Variants in RBBP4 observed in about 807,000 individuals in gnomAD.
The protein encoded by RBBP4 is RB binding protein 4, chromatin remodeling factor.
A neutral mutation model predicts 57.2 loss-of-function variants in RBBP4; 3 were observed. That is an observed-to-expected ratio of 0.05 (90% CI 0.02 to 0.14). The LOEUF (loss-of-function observed/expected upper bound fraction) is 0.14. RBBP4 is among the 10% of genes least tolerant of loss of function. The pLI, the probability that RBBP4 is intolerant of heterozygous loss-of-function variation, is 1.00. For missense variants in RBBP4, 107 were observed against 520.6 expected, an observed-to-expected ratio of 0.21 and a Z score of 7.73; for synonymous variants, 151 against 171.5, an observed-to-expected ratio of 0.88 and a Z score of 0.93.
rs1647566410 is a variant in RBBP4, at chr1:32,651,254, C to A, written c.-53C>A. ...CACAGAGCGAGCTCTTGCAGCCTCCCCGCCCCTCCCGCAACGCTCGACCCC... is the reference window on the plus strand; with the variant it reads ...CACAGAGCGAGCTCTTGCAGCCTCCACGCCCCTCCCGCAACGCTCGACCCC... On this transcript the variant is annotated 5_prime_UTR_variant, in exon 1 of 12. Coordinates refer to ENST00000373493, the MANE Select transcript of RBBP4 (RefSeq NM_005610.3). 6.6e-7 allele frequency: 1 copy of A among 1,506,394 alleles called. No individual in the cohort carries two copies. Among genetic ancestry groups the A allele is most frequent in the Non-Finnish European group, 8.9e-7 (1 of 1,127,700 alleles). 93.3% of individuals were successfully genotyped at this position (1,506,394 alleles called of 1,614,324 possible).
intron 1 of RBBP4, chr1:32,651,682 C>T: frequency 1.3e-6 from 1 of 755,374 alleles, no homozygotes; most frequent in Non-Finnish European, 2.1e-6. Context: ...CGAGCGTGCT[C>T]CGAAGGCCTG....
intron 3 of RBBP4, 146 bp from the exon 4 acceptor site, chr1:32,668,079 T>C: frequency 1.4e-6 from 1 of 702,132 alleles, no homozygotes; most frequent in Non-Finnish European, 2.3e-6. Flanking sequence ...GAAAGCACTT[T>C]ATAGTGCTAG....
chr1:32,671,083 T>G (rs1231714476), intron 8 of RBBP4, among the ~76,000 whole-genome samples: 11 of 152,200 alleles, frequency 7.2e-5, no homozygotes, highest in Admixed American at 7.2e-4. Flanking sequence ...GGTAGCAAAC[T>G]CTGATTGTTG....
chr1:32,672,323 G>A (rs550094777), intron 8 of RBBP4, 127 bp from the exon 9 acceptor site: 27 of 728,224 alleles, frequency 3.7e-5, no homozygotes, highest in African/African-American at 2.9e-4. Flanking sequence ...TAACTGTAAC[G>A]TGTATAATAC....
In RBBP4 at chr1:32,668,086, C is replaced by G. The variant is rs950979274; in HGVS notation, c.311-139C>G. ...GGGGGTAGGAAAGCACTTTATAGTG[C>G]TAGCAAATGTATAGATTACATCTAG... On this transcript the variant is annotated intron_variant, in intron 3 of 11. Transcript: ENST00000373493. The G allele has an allele frequency of 2.4e-5, 18 of 740,686 alleles. 1 individual carries two copies. In the African/African-American group the frequency reaches 2.9e-4, roughly 12 times the overall value. 45.9% of individuals were successfully genotyped at this position (740,686 alleles called of 1,614,324 possible).
At chr1:32,653,637 GTT>G (rs1053666893) in intron 2 of RBBP4, among the ~76,000 whole-genome samples, 6 of 20,782 alleles carry the variant, frequency 2.9e-4, no homozygotes, top group South Asian at 5.0e-3. Context: ...TTGTTTTCTG[GTT>G]TTTTTTTTTT....
At chr1:32,659,038 A>T (rs970130261) in intron 3 of RBBP4, among the ~76,000 whole-genome samples, 11 of 147,272 alleles carry the variant, frequency 7.5e-5, no homozygotes, top group African/African-American at 2.5e-4. Flanking sequence ...ATATAAATGT[A>T]TTATATTTAT....
At chr1:32,664,562 C>G (rs1648565409) in intron 3 of RBBP4, among the ~76,000 whole-genome samples, 1 of 152,154 alleles carries the variant, frequency 6.6e-6, no homozygotes, top group East Asian at 1.9e-4. Flanking sequence ...AAGCAATTCT[C>G]TTGCCTCAGT....
chr1:32,663,793 G>A (rs1034138674), intron 3 of RBBP4, among the ~76,000 whole-genome samples: 1 of 151,696 alleles, frequency 6.6e-6, no homozygotes, highest in South Asian at 2.1e-4. Context: ...AGCCAGGATG[G>A]TCTCAATCTC....
At chr1:32,663,767 G>A (rs898436407) in intron 3 of RBBP4, among the ~76,000 whole-genome samples, 33 of 151,142 alleles carry the variant, frequency 2.2e-4, no homozygotes, top group Non-Finnish European at 4.4e-5. Flanking sequence ...TAGTAGTGAC[G>A]GGGTTTCACG....
At position 32,681,529 on chromosome 1, in the gene RBBP4, T is replaced by G; in HGVS notation, c.*1824T>G. 1 of 410,128 alleles carries G rather than the reference T, an allele frequency of 2.4e-6. No individual in the cohort carries two copies. The highest frequency in any genetic ancestry group is 4.4e-6 in the Non-Finnish European group (1 of 229,642). 25.4% of individuals were successfully genotyped at this position (410,128 alleles called of 1,614,324 possible). ...TTTAAAATACTCCCAGATGTGTCCA[T>G]ACATTCATCCTTCACTCAGTGCATA... On this transcript the variant is annotated 3_prime_UTR_variant, in exon 12 of 12. Coordinates refer to ENST00000373493, the MANE Select transcript of RBBP4 (RefSeq NM_005610.3).
intron 3 of RBBP4, among the ~76,000 whole-genome samples, chr1:32,664,511 C>A (rs1648563062): frequency 6.6e-6 from 1 of 151,852 alleles, no homozygotes; most frequent in Admixed American, 6.6e-5. Flanking sequence ...GGAGTGTAGT[C>A]GTGCAATCTT....
chr1:32,661,513 C>T (rs1000627128), intron 3 of RBBP4, among the ~76,000 whole-genome samples: 10 of 151,878 alleles, frequency 6.6e-5, no homozygotes, highest in African/African-American at 1.9e-4. Context: ...AGGCTGGTCT[C>T]GAACTCCCAA....
In RBBP4 at chr1:32,684,584, C is replaced by T. The variant is rs530801144; in HGVS notation, c.*4879C>T. Reference sequence around the variant, plus strand: ...GTGACAATGCTTTTGAAAATGATGACGAAAAAGGCATCTTGTCTGTTAACC... The same window carrying T: ...GTGACAATGCTTTTGAAAATGATGATGAAAAAGGCATCTTGTCTGTTAACC... On this transcript the variant is annotated 3_prime_UTR_variant, in exon 12 of 12. Transcript: ENST00000373493. The T allele has an allele frequency of 1.9e-5, 13 of 684,820 alleles. No homozygotes were observed. Among genetic ancestry groups the T allele is most frequent in the Middle Eastern group, 3.8e-4 (1 of 2,666 alleles). The allele number at this position is 684,820 out of a possible 1,614,324, so 42.4% of individuals were successfully genotyped here.
Position 32,680,727 on chromosome 1 carries a change from C to T in RBBP4, c.*1022C>T. On this transcript the variant is annotated 3_prime_UTR_variant, in exon 12 of 12. Coordinates refer to ENST00000373493, the MANE Select transcript of RBBP4 (RefSeq NM_005610.3). The stretch of plus-strand genomic sequence containing the variant: ...GTCTCTGGCTTCTAGAAGAGTCCTT[C>T]AGATGACAGTTGTTGTCCATGGTCT... 1.8e-6 allele frequency: 1 copy of T among 563,184 alleles called. No homozygotes were observed. The highest frequency in any genetic ancestry group is 2.8e-5 in the South Asian group (1 of 35,336). The allele number at this position is 563,184 out of a possible 1,614,324, so 34.9% of individuals were successfully genotyped here. A position where few individuals can be genotyped will look rare whatever the true frequency, so the allele number is the denominator to read the frequency against.
Position 32,681,956 on chromosome 1 carries a change from G to A in RBBP4, c.*2251G>A. On this transcript the variant is annotated 3_prime_UTR_variant, in exon 12 of 12. Coordinates refer to ENST00000373493, the MANE Select transcript of RBBP4 (RefSeq NM_005610.3). The stretch of plus-strand genomic sequence containing the variant: ...AGAGATTGTTACAGTGTGATTTATG[G>A]ATGATCAGGGATGACTTTCCCCTAG... 9.2e-7 allele frequency: 1 copy of A among 1,084,180 alleles called. No individual in the cohort carries two copies. The highest frequency in any genetic ancestry group is 1.9e-5 in the Admixed American group (1 of 53,672). 67.2% of individuals were successfully genotyped at this position (1,084,180 alleles called of 1,614,324 possible). A position where few individuals can be genotyped will look rare whatever the true frequency, so the allele number is the denominator to read the frequency against.
chr1:32,660,469 T>C (rs1477036087), intron 3 of RBBP4, among the ~76,000 whole-genome samples: 3 of 151,916 alleles, frequency 2.0e-5, no homozygotes, highest in East Asian at 1.9e-4. Context: ...CAGGCTGTAG[T>C]GCAGTGGCGC....
chr1:32,666,469 T>C (rs1648651867), intron 3 of RBBP4, among the ~76,000 whole-genome samples: 1 of 151,958 alleles, frequency 6.6e-6, no homozygotes. Context: ...AGCAATTCTG[T>C]CTCAGCCTCC....
At chr1:32,660,008 TTA>T (rs2148519576) in intron 3 of RBBP4, among the ~76,000 whole-genome samples, 2 of 152,348 alleles carry the variant, frequency 1.3e-5, no homozygotes, top group South Asian at 4.1e-4. Context: ...GCGTATGTAT[TTA>T]TGTCTGTTTC....
Sources: gnomAD v4.1 joint callset for allele counts (sites outside exome capture counted in the v4.1 genomes callset) on GRCh38, gnomAD v4.1.1 for gene constraint, MANE v1.5 for transcripts, NCBI Gene and HGNC (gene_info 2026-07-23, HGNC 2026-07-21) for gene names.